The following RAB3GAP1 variants were observed in gnomAD, a reference collection of about 807,000 sequenced individuals.
The protein encoded by RAB3GAP1 is rab3 GTPase-activating protein catalytic subunit.
Under a neutral mutation model 130.7 loss-of-function variants are expected in RAB3GAP1, and 86 were observed. The ratio of observed to expected loss-of-function variants is 0.66; its 90% CI spans 0.55 to 0.79. RAB3GAP1 has a LOEUF of 0.79. Among genes scored for constraint, RAB3GAP1 ranks in the 30% least tolerant of loss-of-function variants. The pLI is 0.00. For missense variants in RAB3GAP1, 1,029 were observed against 1,169.4 expected (o/e 0.88, Z 1.75); for synonymous variants, 367 against 401.7 (o/e 0.91, Z 1.03).
chr2:135,129,294 T>G (rs1691451587), intron 11 of RAB3GAP1, among the ~76,000 whole-genome samples: 1 of 151,410 alleles, frequency 6.6e-6, no homozygotes, highest in African/African-American at 2.4e-5. Context: ...CTACTAAAAA[T>G]ACAAAAAATT....
At chr2:135,101,413 T>C (rs1558775628) in intron 5 of RAB3GAP1, among the ~76,000 whole-genome samples, 1 of 152,212 alleles carries the variant, frequency 6.6e-6, no homozygotes. Flanking sequence ...TCTGTACTTA[T>C]TTATACCATA....
chr2:135,092,691 GC>G (rs1690182409), intron 4 of RAB3GAP1, among the ~76,000 whole-genome samples: 1 of 152,180 alleles, frequency 6.6e-6, no homozygotes, highest in African/African-American at 2.4e-5. Flanking sequence ...ACCTGCCTCG[GC>G]CTTCCAAAGT....
chr2:135,164,337 T>C (rs1239868955), intron 22 of RAB3GAP1, among the ~76,000 whole-genome samples: 1 of 152,240 alleles, frequency 6.6e-6, no homozygotes, highest in Admixed American at 6.5e-5. Context: ...AGACTGAATA[T>C]TTTTTCTTAC....
At chr2:135,060,381 T>C (rs1689133098) in intron 3 of RAB3GAP1, among the ~76,000 whole-genome samples, 1 of 149,796 alleles carries the variant, frequency 6.7e-6, no homozygotes, top group South Asian at 2.1e-4. Flanking sequence ...TGCCTCAGCC[T>C]CCCAAGTGGC....
intron 2 of RAB3GAP1, among the ~76,000 whole-genome samples, chr2:135,057,004 A>G (rs982771378): frequency 6.6e-6 from 1 of 152,200 alleles, no homozygotes; most frequent in Non-Finnish European, 1.5e-5. Flanking sequence ...ATTGCATCAT[A>G]CTTAGCTTAT....
At chr2:135,141,760 T>C (rs562511733) in intron 17 of RAB3GAP1, among the ~76,000 whole-genome samples, 247 of 152,350 alleles carry the variant, frequency 1.6e-3, no homozygotes, top group Middle Eastern at 0.014. Context: ...AAGATTCTCT[T>C]TTCTCTATAG....
chr2:135,094,371 G>T (rs73959262), intron 5 of RAB3GAP1, among the ~76,000 whole-genome samples: 17,408 of 151,818 alleles, frequency 0.11, 1,290 homozygotes, highest in South Asian at 0.32. Flanking sequence ...AATGCTTGAG[G>T]TGATGGATTC....
At chr2:135,129,726 A>G (rs1433668214) in intron 11 of RAB3GAP1, among the ~76,000 whole-genome samples, 1 of 152,148 alleles carries the variant, frequency 6.6e-6, no homozygotes, top group Non-Finnish European at 1.5e-5. Context: ...TATAGTAAGT[A>G]CTATTAGGTA....
intron 9 of RAB3GAP1, 22 bp from the exon 10 acceptor site, chr2:135,126,159 G>T: frequency 6.4e-7 from 1 of 1,563,614 alleles, no homozygotes. Context: ...TAAAGCTTTT[G>T]GGTATATTTT....
intron 19 of RAB3GAP1, among the ~76,000 whole-genome samples, chr2:135,155,085 A>C (rs564378502): frequency 6.6e-6 from 1 of 152,300 alleles, no homozygotes; most frequent in East Asian, 1.9e-4. Flanking sequence ...TAACATTCCA[A>C]ACTGAATCAG....
At chr2:135,090,469 T>A (rs1428712060) in intron 3 of RAB3GAP1, among the ~76,000 whole-genome samples, 1 of 152,170 alleles carries the variant, frequency 6.6e-6, no homozygotes, top group African/African-American at 2.4e-5. Context: ...GGAAAAATCC[T>A]TTTTTATGCT....
In RAB3GAP1 at chr2:135,052,326, G is replaced by C. The variant is rs1224313284; in HGVS notation, c.18+1G>C. 2 of 1,614,044 alleles carry C rather than the reference G, an allele frequency of 1.2e-6. No individual in the cohort carries two copies. The highest frequency in any genetic ancestry group is 8.5e-7 in the Non-Finnish European group (1 of 1,180,036). On this transcript the variant is annotated splice_donor_variant, in intron 1 of 23. Coordinates refer to ENST00000264158, the MANE Select transcript of RAB3GAP1 (RefSeq NM_012233.3). LOFTEE classifies it high-confidence loss of function. ...CCTCAAGATGGCTGCCGACAGTGAG[G>C]TGATTTCTTTGCTCCCTACTTAATC...
chr2:135,134,724 C>T (rs1026571578), intron 15 of RAB3GAP1, among the ~76,000 whole-genome samples: 2 of 152,158 alleles, frequency 1.3e-5, no homozygotes, highest in Admixed American at 6.5e-5. Flanking sequence ...AGACAGTCCG[C>T]TCTGGAACAT....
At position 135,168,593 on chromosome 2, in the gene RAB3GAP1, C is replaced by T. The variant is rs974498459; in HGVS notation, c.2758C>T (p.Pro920Ser). The change falls in exon 24 of 24, where the codon CCA becomes TCA. Residue 920 changes from proline (P) to serine (S), a missense_variant. Physicochemically the swap from Pro to Ser is moderately conservative, Grantham distance 74. Around this residue, in one of 3 missense-constraint regions of RAB3GAP1, gnomAD observed 146 missense variants for 143.7 expected, o/e 1.02. Coordinates refer to ENST00000264158, the MANE Select transcript of RAB3GAP1 (RefSeq NM_012233.3). ...GGAGGAATTGAAGAGAATGGGCTCC[C>T]CAGAGGAAAGAAGGCAGAACTCCGT... ...PEEELKRMGS[P>S]EERRQNSVSD... 1.2e-5 allele frequency: 19 copies of T among 1,614,062 alleles called. No individual in the cohort carries two copies. The highest frequency in any genetic ancestry group is 1.5e-5 in the Non-Finnish European group (18 of 1,180,046).
intron 17 of RAB3GAP1, among the ~76,000 whole-genome samples, chr2:135,139,615 A>G (rs181334135): frequency 5.1e-4 from 78 of 152,154 alleles, no homozygotes; most frequent in African/African-American, 1.8e-3. Context: ...TCATATTGAT[A>G]CATGCATATA....
chr2:135,103,726 G>T (rs573759656), intron 5 of RAB3GAP1, among the ~76,000 whole-genome samples: 4 of 152,060 alleles, frequency 2.6e-5, no homozygotes, highest in African/African-American at 9.7e-5. Flanking sequence ...TTCTTTGTTG[G>T]CGGGGGAGGG....
intron 18 of RAB3GAP1, chr2:135,152,724 G>C (rs1463064770): frequency 6.6e-6 from 1 of 152,226 alleles, no homozygotes; most frequent in African/African-American, 2.4e-5. Context: ...TAGCCCTTGA[G>C]CTCAGTGAGG....
downstream of RAB3GAP1, among the ~76,000 whole-genome samples, chr2:135,172,272 G>GT (rs533243848): frequency 1.7e-4 from 26 of 151,252 alleles, no homozygotes; most frequent in Admixed American, 1.2e-3. Flanking sequence ...TCTATTAAAA[G>GT]TTAAAAAAAA....
At position 135,135,573 on chromosome 2, in the gene RAB3GAP1, T is replaced by C; in HGVS notation, c.1564T>C (p.Cys522Arg). Reference sequence around the variant, plus strand: ...TTTCTCTTTTCTTAAGATGTTAAATTGTTGTATTGAAAGAAAGAAGGCACG... The same window carrying C: ...TTTCTCTTTTCTTAAGATGTTAAATCGTTGTATTGAAAGAAAGAAGGCACG... ...LLHQKLQMLN[C>R]CIERKKARDE... Residue 522 changes from cysteine (C) to arginine (R), a missense_variant, in exon 17 of 24, where the codon TGT becomes CGT. Physicochemically the swap from Cys to Arg is radical, Grantham distance 180. This residue lies in a region of RAB3GAP1 where 373 missense variants were observed against 493.6 expected (regional missense o/e 0.76). Transcript: ENST00000264158. 1.3e-6 allele frequency: 2 copies of C among 1,599,622 alleles called. No individual in the cohort carries two copies. Among genetic ancestry groups the C allele is most frequent in the Non-Finnish European group, 1.7e-6 (2 of 1,170,474 alleles).
Sources: gnomAD v4.1 joint callset for allele counts (sites outside exome capture counted in the v4.1 genomes callset) on GRCh38, gnomAD v4.1.1 for gene constraint, gnomAD v4.1.1 regional missense constraint, MANE v1.5 for transcripts, NCBI Gene and HGNC (gene_info 2026-07-23, HGNC 2026-07-21) for gene names.